Variants in AKAP13 observed in about 807,000 individuals in gnomAD.
AKAP13 encodes the protein A-kinase anchor protein 13.
In AKAP13, 80 loss-of-function variants were observed where a neutral mutation model predicts 264.5. That is an observed-to-expected ratio of 0.30 (90% CI 0.25 to 0.36). AKAP13 has a LOEUF of 0.36. AKAP13 is among the 10% of genes least tolerant of loss of function. The pLI, the probability that AKAP13 is intolerant of heterozygous loss-of-function variation, is 1.00. For missense variants in AKAP13, 3,712 were observed against 3,435.2 expected (o/e 1.08, Z -2.01); for synonymous variants, 1,380 against 1,250.2 (o/e 1.10, Z -2.19).
chr15:85,726,747 C>G (rs1482155973), intron 27 of AKAP13, among the ~76,000 whole-genome samples: 1 of 152,200 alleles, frequency 6.6e-6, no homozygotes, highest in Non-Finnish European at 1.5e-5. Context: ...GTCACTGGAG[C>G]ATTTCTCACA....
chr15:85,538,092 G>A (rs773961043), intron 4 of AKAP13, among the ~76,000 whole-genome samples: 7 of 152,078 alleles, frequency 4.6e-5, no homozygotes. Flanking sequence ...TTCTCAGCTC[G>A]GTGGTTAGTG....
rs368852715 is a variant in AKAP13, at chr15:85,436,463, G to A, written c.-11-49247G>A. Reference sequence around the variant, plus strand: ...AATTGAACTCAGCTCTGCACCAAGCGGACCTAATAGACATCTACAGAACTC... The same window carrying A: ...AATTGAACTCAGCTCTGCACCAAGCAGACCTAATAGACATCTACAGAACTC... On this transcript the variant is annotated intron_variant, in intron 1 of 36. Transcript: ENST00000394518. 9.8e-3 allele frequency among the ~76,000 whole-genome samples: 1,363 copies of A among 139,708 alleles called. 9 individuals carry two copies. Among genetic ancestry groups the A allele is most frequent in the Middle Eastern group, 0.042 (11 of 260 alleles). The allele number at this position is 139,708 out of a possible 152,430, so 91.7% of individuals were successfully genotyped here.
intron 12 of AKAP13, among the ~76,000 whole-genome samples, chr15:85,659,362 G>A (rs1357047222): frequency 1.3e-5 from 2 of 152,190 alleles, no homozygotes; most frequent in Non-Finnish European, 2.9e-5. Context: ...TTGTAAAGAA[G>A]TATTTTTAAC....
intron 1 of AKAP13, among the ~76,000 whole-genome samples, chr15:85,423,723 G>A (rs2072635405): frequency 6.6e-6 from 1 of 152,210 alleles, no homozygotes; most frequent in Admixed American, 6.5e-5. Flanking sequence ...TGAATCCTTT[G>A]CAGAAGGTTT....
intron 1 of AKAP13, among the ~76,000 whole-genome samples, chr15:85,395,267 A>C (rs2071056819): frequency 6.6e-6 from 1 of 152,210 alleles, no homozygotes; most frequent in Non-Finnish European, 1.5e-5. Flanking sequence ...GCTGTATAAG[A>C]ATGGCCCTGA....
chr15:85,748,504 A>G lies in AKAP13; in HGVS notation c.*3827A>G, dbSNP rs553612177. On this transcript the variant is annotated 3_prime_UTR_variant, in exon 37 of 37. Coordinates refer to ENST00000394518, the MANE Select transcript of AKAP13 (RefSeq NM_007200.5). ...GTCGCTCTCGTCCATCCTCAGAGAC[A>G]AAGAAGAGGGCAGGGAGTTTGGGCT... The G allele has an allele frequency of 1.3e-5, 2 of 152,304 alleles. No homozygotes were observed. The highest frequency in any genetic ancestry group is 6.5e-5 in the Admixed American group (1 of 15,296). 9.4% of individuals were successfully genotyped at this position (152,304 alleles called of 1,614,324 possible). A position where few individuals can be genotyped will look rare whatever the true frequency, so the allele number is the denominator to read the frequency against.
At position 85,740,963 on chromosome 15, in the gene AKAP13, C is replaced by T; in HGVS notation, c.7609-83C>T. The T allele has an allele frequency of 2.0e-6, 3 of 1,516,864 alleles. No homozygotes were observed. In the South Asian group the frequency reaches 4.0e-5, roughly 20 times the overall value. The allele number at this position is 1,516,864 out of a possible 1,614,324, so 94.0% of individuals were successfully genotyped here. A position where few individuals can be genotyped will look rare whatever the true frequency, so the allele number is the denominator to read the frequency against. ...CTAGTCCGTCATAGTGCCTGGTGCC[C>T]CCTGCTGTGGGGTCGGGAGGGATCC... On this transcript the variant is annotated intron_variant, in intron 34 of 36. Transcript: ENST00000394518.
chr15:85,442,137 C>T (rs561354787), intron 1 of AKAP13, among the ~76,000 whole-genome samples: 1 of 151,840 alleles, frequency 6.6e-6, no homozygotes, highest in African/African-American at 2.4e-5. Context: ...TTAGGCTGGG[C>T]GCGGTGGCTC....
intron 33 of AKAP13, among the ~76,000 whole-genome samples, chr15:85,737,955 G>A (rs1203747954): frequency 6.6e-6 from 1 of 151,974 alleles, no homozygotes; most frequent in Non-Finnish European, 1.5e-5. Context: ...TTTCTTTATG[G>A]CGACTTTTCC....
intron 23 of AKAP13, 120 bp downstream of exon 23, chr15:85,719,446 A>T (rs974260860): frequency 1.5e-6 from 2 of 1,327,854 alleles, no homozygotes; most frequent in Non-Finnish European, 1.0e-6. Flanking sequence ...AGCTCAGGGA[A>T]CTTATTTAAT....
In AKAP13 at chr15:85,748,081, G is replaced by A. The variant is rs1475276690; in HGVS notation, c.*3404G>A. On this transcript the variant is annotated 3_prime_UTR_variant, in exon 37 of 37. Coordinates refer to ENST00000394518, the MANE Select transcript of AKAP13 (RefSeq NM_007200.5). ...GATCCAGAAGTTGCTGTCCACAGAAGTGCTTTCTATTTCATCATTTTTGTT... is the reference window on the plus strand; with the variant it reads ...GATCCAGAAGTTGCTGTCCACAGAAATGCTTTCTATTTCATCATTTTTGTT... 1 of 152,246 alleles carries A rather than the reference G, an allele frequency of 6.6e-6. No homozygotes were observed. The highest frequency in any genetic ancestry group is 1.5e-5 in the Non-Finnish European group (1 of 68,048). 9.4% of individuals were successfully genotyped at this position (152,246 alleles called of 1,614,324 possible).
chr15:85,735,547 A>AT lies in AKAP13; in HGVS notation c.7442-7dup. ...CAACTTTAAAAAAAAAAACAACCCT[A>AT]TTTTTTGTTTAGGAGGCGAGAAGGA... On this transcript the variant is annotated splice_polypyrimidine_tract_variant and intron_variant, in intron 31 of 36. Coordinates refer to ENST00000394518, the MANE Select transcript of AKAP13 (RefSeq NM_007200.5). 1 of 1,601,660 alleles carries AT rather than the reference A, an allele frequency of 6.2e-7. No homozygotes were observed. The highest frequency in any genetic ancestry group is 1.8e-5 in the Admixed American group (1 of 57,034).
rs771011006 is a variant in AKAP13 at position 85,585,793 on chromosome 15, G to T, written c.4131G>T (p.Leu1377=). Residue 1377 remains leucine, a synonymous_variant, in exon 8 of 37, where the codon CTG becomes CTT. Coordinates refer to ENST00000394518, the MANE Select transcript of AKAP13 (RefSeq NM_007200.5). ...EVAVGSIAAT[L]KMKQGPMTQA... The stretch of plus-strand genomic sequence containing the variant: ...CTGTAGGGAGCATAGCTGCTACACT[G>T]AAGATGAAGCAAGGCCCAATGACCC... 1.2e-6 allele frequency: 2 copies of T among 1,613,994 alleles called. No homozygotes were observed. The highest frequency in any genetic ancestry group is 2.2e-5 in the East Asian group (1 of 44,892).
At chr15:85,402,024 T>C (rs1392511704) in intron 1 of AKAP13, among the ~76,000 whole-genome samples, 8 of 152,214 alleles carry the variant, frequency 5.3e-5, no homozygotes, top group Non-Finnish European at 4.4e-5. Flanking sequence ...TTTGGTTTAG[T>C]TTGCTGCCAA....
chr15:85,727,511 T>G lies in AKAP13; in HGVS notation c.7087+48T>G. 2 of 1,597,818 alleles carry G rather than the reference T, an allele frequency of 1.3e-6. No individual in the cohort carries two copies. On this transcript the variant is annotated intron_variant, in intron 29 of 36. Coordinates refer to ENST00000394518, the MANE Select transcript of AKAP13 (RefSeq NM_007200.5). The surrounding 1 kb of genome is among the most constrained non-coding windows in gnomAD (Gnocchi z 5.3). ...AGCCCCTTGTCTGGAATGTCTGCAGTTGCAGAAGACTGCTGGTGGATTTTA... is the reference window on the plus strand; with the variant it reads ...AGCCCCTTGTCTGGAATGTCTGCAGGTGCAGAAGACTGCTGGTGGATTTTA...
intron 3 of AKAP13, among the ~76,000 whole-genome samples, chr15:85,528,428 GA>G (rs2077150204): frequency 6.6e-6 from 1 of 152,114 alleles, no homozygotes; most frequent in African/African-American, 2.4e-5. Flanking sequence ...TGTTTTCCTT[GA>G]GTTTCCTAAA....
chr15:85,741,539 T>A, intron 35 of AKAP13, 44 bp downstream of exon 35: 3 of 1,523,450 alleles, frequency 2.0e-6, no homozygotes, highest in Non-Finnish European at 2.6e-6. Flanking sequence ...ATGATATTAA[T>A]TAAGACCCCC....
At chr15:85,740,775 A>ACCCCCCCCC (rs34080252) in intron 34 of AKAP13, among the ~76,000 whole-genome samples, 14 of 67,388 alleles carry the variant, frequency 2.1e-4, no homozygotes, top group East Asian at 4.5e-4. Context: ...ACACACAACC[A>ACCCCCCCCC]CCCCCCCCCC....
intron 10 of AKAP13, among the ~76,000 whole-genome samples, chr15:85,646,364 T>C (rs1011036721): frequency 1.3e-5 from 2 of 151,782 alleles, no homozygotes; most frequent in Non-Finnish European, 2.9e-5. Flanking sequence ...GAGGTGGAGG[T>C]TGCAGTGAGT....
Sources: allele counts gnomAD v4.1 joint callset (sites outside exome capture counted in the v4.1 genomes callset), GRCh38; gene constraint gnomAD v4.1.1; non-coding constraint Gnocchi (gnomAD v3.1); transcripts MANE v1.5; gene names NCBI Gene and HGNC (gene_info 2026-07-23, HGNC 2026-07-21).